Variants in IL7 observed in about 807,000 individuals in gnomAD.
The protein encoded by IL7 is interleukin-7.
IL7 carries 3 observed loss-of-function variants against 21.6 expected under a neutral mutation model. The observed-to-expected ratio is 0.14, with a 90% CI of 0.06 to 0.36. The LOEUF (loss-of-function observed/expected upper bound fraction) is 0.36. IL7 is among the 10% of genes least tolerant of loss of function. The pLI is 1.00. For synonymous variants in IL7, 62 were observed against 68.1 expected, an observed-to-expected ratio of 0.91 and a Z score of 0.44; for missense variants, 175 against 200.2, an observed-to-expected ratio of 0.87 and a Z score of 0.76.
intron 1 of IL7, among the ~76,000 whole-genome samples, chr8:78,804,389 C>T (rs1397668576): frequency 6.6e-6 from 1 of 152,220 alleles, no homozygotes; most frequent in Non-Finnish European, 1.5e-5. Flanking sequence ...AACTCCCAGT[C>T]TTACTCAGGG....
At chr8:78,802,374 T>C (rs1814095066) in intron 1 of IL7, among the ~76,000 whole-genome samples, 1 of 152,040 alleles carries the variant, frequency 6.6e-6, no homozygotes, top group Non-Finnish European at 1.5e-5. Context: ...CATTTATAGA[T>C]GGAGAATCTG....
chr8:78,691,528 G>A (rs1810211082), intron 3 of IL7, among the ~76,000 whole-genome samples: 1 of 151,864 alleles, frequency 6.6e-6, no homozygotes, highest in Non-Finnish European at 1.5e-5. Flanking sequence ...ATCAAATCTA[G>A]TAACTTCATC....
chr8:78,782,438 T>A (rs1171959306), intron 2 of IL7, among the ~76,000 whole-genome samples: 1 of 152,116 alleles, frequency 6.6e-6, no homozygotes, highest in East Asian at 1.9e-4. Flanking sequence ...TGCTTTCTGT[T>A]TGCTTTTCTT....
chr8:78,805,293 G>T lies in IL7; in HGVS notation c.-371C>A. 1 of 196,474 alleles carries T rather than the reference G, an allele frequency of 5.1e-6. No individual in the cohort carries two copies. 12.2% of individuals were successfully genotyped at this position (196,474 alleles called of 1,614,324 possible). On this transcript the variant is annotated 5_prime_UTR_variant, in exon 1 of 6. Transcript: ENST00000263851. The stretch of plus-strand genomic sequence containing the variant: ...CCTGCTTCCCGCGCACCTGGATGAG[G>T]ACCAGAGGAATTCGCGAATTTCCGA...
At chr8:78,731,029 A>C (rs1032362156), downstream of IL7, among the ~76,000 whole-genome samples, 1 of 151,974 alleles carries the variant, frequency 6.6e-6, no homozygotes, top group African/African-American at 2.4e-5. Flanking sequence ...CCCGTACAGA[A>C]CACCATAAAG....
chr8:78,798,284 G>T, intron 1 of IL7, 76 bp from the exon 2 acceptor site: 1 of 977,558 alleles, frequency 1.0e-6, no homozygotes, highest in Non-Finnish European at 1.5e-6. Context: ...CAATGGACTG[G>T]ACCACTAATT....
chr8:78,737,189 C>T (rs1186730389), intron 4 of IL7, among the ~76,000 whole-genome samples: 1 of 151,974 alleles, frequency 6.6e-6, no homozygotes, highest in Non-Finnish European at 1.5e-5. Context: ...ATACCTAAGA[C>T]CTTTACCTCT....
At position 78,760,907 on chromosome 8, in the gene IL7, A is replaced by T. The variant is rs1812531516; in HGVS notation, c.148-20825T>A. On this transcript the variant is annotated intron_variant, in intron 2 of 5. Transcript: ENST00000263851. ...AGTCAAGCTACCGGCTGCAAAGAAG[A>T]CATCAGAGGTTTGCCCCTGGAGGTT... is the stretch of plus-strand genomic sequence containing the variant. 4.5e-6 allele frequency: 7 copies of T among 1,553,878 alleles called. No homozygotes were observed. The East Asian group carries it at 1.6e-4, about 35-fold the overall frequency.
intron 3 of IL7, among the ~76,000 whole-genome samples, chr8:78,738,993 G>A (rs1040906764): frequency 2.0e-5 from 3 of 152,172 alleles, no homozygotes; most frequent in African/African-American, 7.2e-5. Flanking sequence ...TGTATTATAA[G>A]AGGTATGTGT....
chr8:78,741,473 T>C (rs772267818), intron 2 of IL7, among the ~76,000 whole-genome samples: 1 of 152,218 alleles, frequency 6.6e-6, no homozygotes, highest in Non-Finnish European at 1.5e-5. Flanking sequence ...AGGTGAAACG[T>C]GTAGCTACTC....
intron 4 of IL7, among the ~76,000 whole-genome samples, chr8:78,684,261 G>T (rs2170732): frequency 0.78 from 119,066 of 152,138 alleles, 46,956 homozygotes; most frequent in East Asian, 0.91. Flanking sequence ...AAAAAGAGGT[G>T]TAACAGACTC....
At chr8:78,782,394 G>T (rs762645178) in intron 2 of IL7, among the ~76,000 whole-genome samples, 1 of 152,138 alleles carries the variant, frequency 6.6e-6, no homozygotes, top group East Asian at 1.9e-4. Context: ...TGGGGTTTCT[G>T]TGGGTGCCTT....
Position 78,738,484 on chromosome 8 carries a change from G to A in IL7, c.360+20C>T. The A allele has an allele frequency of 6.3e-7, 1 of 1,599,098 alleles. No homozygotes were observed. The highest frequency in any genetic ancestry group is 8.5e-7 in the Non-Finnish European group (1 of 1,172,392). On this transcript the variant is annotated intron_variant, in intron 4 of 5. Coordinates refer to ENST00000263851, the MANE Select transcript of IL7 (RefSeq NM_000880.4). The stretch of plus-strand genomic sequence containing the variant: ...GGAGTATTTAATATTTTTATTCAAA[G>A]TAAATAGTCCTTAGCTTACCTGGCC...
At chr8:78,709,923 C>A (rs1810901863) in intron 3 of IL7, among the ~76,000 whole-genome samples, 1 of 152,024 alleles carries the variant, frequency 6.6e-6, no homozygotes, top group Non-Finnish European at 1.5e-5. Context: ...CAGAAATCAT[C>A]TTTTTGTTAT....
rs534563695 is a variant in IL7 at position 78,690,779 on chromosome 8, G to A, written n.215-4832C>T. On this transcript the variant is annotated intron_variant and non_coding_transcript_variant, in intron 3 of 4. Coordinates refer to the IL7 transcript ENST00000523959. ...TTAGGTTTTATTTTAGCAGTGTTTT[G>A]TAGTGTATATTATATAGGTCATACA... 4.6e-5 allele frequency among the ~76,000 whole-genome samples: 7 copies of A among 152,138 alleles called. 1 individual carries two copies. The highest frequency in any genetic ancestry group is 6.8e-3 in the Middle Eastern group (2 of 292).
downstream of IL7, among the ~76,000 whole-genome samples, chr8:78,729,559 A>G (rs1811388115): frequency 6.6e-6 from 1 of 151,984 alleles, no homozygotes. Flanking sequence ...GGCAAAAAAC[A>G]AATCCATTTT....
At chr8:78,694,441 A>G (rs149726489) in intron 3 of IL7, among the ~76,000 whole-genome samples, 12 of 152,232 alleles carry the variant, frequency 7.9e-5, no homozygotes, top group East Asian at 1.9e-4. Context: ...TTAGGTATCT[A>G]TGAGTCTTAT....
intron 2 of IL7, among the ~76,000 whole-genome samples, chr8:78,786,411 T>C (rs1813511381): frequency 6.6e-6 from 1 of 152,196 alleles, no homozygotes; most frequent in African/African-American, 2.4e-5. Flanking sequence ...TGAATGGAGC[T>C]TGCAGAACTG....
intron 3 of IL7, chr8:78,697,371 G>A: frequency 6.7e-7 from 1 of 1,494,620 alleles, no homozygotes; most frequent in African/African-American, 1.4e-5. Context: ...TAATCAAAAA[G>A]TGATGTTGAT....
Sources: gnomAD v4.1 joint callset for allele counts (sites outside exome capture counted in the v4.1 genomes callset) on GRCh38, gnomAD v4.1.1 for gene constraint, MANE v1.5 for transcripts, NCBI Gene and HGNC (gene_info 2026-07-23, HGNC 2026-07-21) for gene names.